The following DCC variants were observed in gnomAD, a reference collection of about 807,000 sequenced individuals.
The protein encoded by DCC is DCC netrin 1 receptor, also known as netrin receptor DCC.
Under a neutral mutation model 172.5 loss-of-function variants are expected in DCC, and 58 were observed. The ratio of observed to expected loss-of-function variants is 0.34; its 90% CI spans 0.27 to 0.42. DCC has a LOEUF of 0.42. Among genes scored for constraint, DCC ranks in the 10% least tolerant of loss-of-function variants. DCC has a pLI of 1.00. For synonymous variants in DCC, 709 were observed against 644.5 expected (o/e 1.10, Z -1.52); for missense variants, 1,740 against 1,791.0 (o/e 0.97, Z 0.51).
At chr18:52,813,626 T>C (rs1292338738) in intron 2 of DCC, among the ~76,000 whole-genome samples, 1 of 152,194 alleles carries the variant, frequency 6.6e-6, no homozygotes, top group Non-Finnish European at 1.5e-5. Flanking sequence ...TGCCCAGATA[T>C]TTGGCCAGAC....
intron 3 of DCC, among the ~76,000 whole-genome samples, chr18:52,917,132 G>C (rs372291934): frequency 1.2e-5 from 1 of 81,314 alleles, no homozygotes; most frequent in African/African-American, 5.1e-5. Context: ...AAAAAAAAAA[G>C]AAAACAAAAA....
chr18:52,777,804 T>C (rs2037461085), intron 2 of DCC, among the ~76,000 whole-genome samples: 1 of 151,890 alleles, frequency 6.6e-6, no homozygotes, highest in African/African-American at 2.4e-5. Context: ...AGTGGGATGT[T>C]TGAGGGAGCA....
chr18:52,850,361 A>G (rs544370680), intron 2 of DCC, among the ~76,000 whole-genome samples: 22 of 152,310 alleles, frequency 1.4e-4, no homozygotes, highest in Admixed American at 1.3e-3. Flanking sequence ...TTTCTCAGAA[A>G]TATATGCATT....
chr18:52,613,836 G>T (rs1289111886), intron 1 of DCC, among the ~76,000 whole-genome samples: 2 of 152,122 alleles, frequency 1.3e-5, no homozygotes, highest in African/African-American at 4.8e-5. Context: ...CACACGTTGG[G>T]TCCTATACTG....
chr18:53,166,849 A>G (rs1195083089), intron 8 of DCC, among the ~76,000 whole-genome samples: 1 of 152,168 alleles, frequency 6.6e-6, no homozygotes, highest in African/African-American at 2.4e-5. Flanking sequence ...TCTCTCTAAG[A>G]TAGCATTGAT....
chr18:52,355,648 A>G (rs1840293044), intron 1 of DCC, among the ~76,000 whole-genome samples: 1 of 152,198 alleles, frequency 6.6e-6, no homozygotes, highest in South Asian at 2.1e-4. Context: ...CCTGTGGTGT[A>G]TTTAAACAGC....
intron 2 of DCC, among the ~76,000 whole-genome samples, chr18:52,798,718 G>A (rs2037924826): frequency 6.6e-6 from 1 of 151,570 alleles, no homozygotes. Flanking sequence ...TGGAAAAGCT[G>A]TATTTAGAGC....
At chr18:52,956,554 C>T (rs2040747686) in intron 5 of DCC, among the ~76,000 whole-genome samples, 1 of 151,918 alleles carries the variant, frequency 6.6e-6, no homozygotes. Context: ...TGTTCTTACC[C>T]TTAAATATTA....
intron 5 of DCC, among the ~76,000 whole-genome samples, chr18:52,975,263 CCTTCTCACTGTGT>C (rs1322135938): frequency 6.6e-6 from 1 of 152,188 alleles, no homozygotes; most frequent in Non-Finnish European, 1.5e-5. Flanking sequence ...CAGATGGCTG[CCTTCTCACTGTGT>C]CTTCACAGGG....
intron 1 of DCC, among the ~76,000 whole-genome samples, chr18:52,597,516 T>G (rs202064240): frequency 6.6e-6 from 1 of 151,704 alleles, no homozygotes; most frequent in Non-Finnish European, 1.5e-5. Context: ...TTTAAGCAAT[T>G]TTTTTCTGTT....
rs191594566 is a variant in DCC at position 52,609,697 on chromosome 18, T to A, written c.92-142357T>A. Among the ~76,000 whole-genome samples the A allele has an allele frequency of 1.8e-3, 281 of 152,096 alleles. 4 individuals are homozygous for A. Among genetic ancestry groups the A allele is most frequent in the Admixed American group, 0.018 (273 of 15,260 alleles). On this transcript the variant is annotated intron_variant, in intron 1 of 28. Transcript: ENST00000442544. The stretch of plus-strand genomic sequence containing the variant: ...TCTATTATATGCTGTGGAATTCTGA[T>A]TACTTCTTATATCTGGACGGGGACC...
At chr18:53,437,212 G>C (rs1911995285) in intron 22 of DCC, among the ~76,000 whole-genome samples, 1 of 152,096 alleles carries the variant, frequency 6.6e-6, no homozygotes, top group Non-Finnish European at 1.5e-5. Flanking sequence ...TCCCTGGTAG[G>C]TATTTGACTT....
chr18:53,500,378 T>C (rs928567585), intron 27 of DCC, among the ~76,000 whole-genome samples: 6 of 152,182 alleles, frequency 3.9e-5, no homozygotes, highest in Non-Finnish European at 7.3e-5. Context: ...CATAAGATAG[T>C]AAATTTCAGT....
At chr18:53,124,129 T>C (rs994918581) in intron 7 of DCC, among the ~76,000 whole-genome samples, 1 of 152,086 alleles carries the variant, frequency 6.6e-6, no homozygotes, top group African/African-American at 2.4e-5. Flanking sequence ...TAATAACACT[T>C]TTCATTTTTC....
At chr18:52,675,326 A>G (rs1694190495) in intron 1 of DCC, among the ~76,000 whole-genome samples, 1 of 152,126 alleles carries the variant, frequency 6.6e-6, no homozygotes, top group African/African-American at 2.4e-5. Flanking sequence ...AAATGCTGGG[A>G]TTATAAATGT....
chr18:53,035,592 T>C (rs1008026576), intron 5 of DCC, among the ~76,000 whole-genome samples: 5 of 152,126 alleles, frequency 3.3e-5, no homozygotes, highest in Admixed American at 2.6e-4. Flanking sequence ...CTCTCAAATA[T>C]TATGAGCATA....
At chr18:52,484,795 T>C (rs1051716648) in intron 1 of DCC, among the ~76,000 whole-genome samples, 5 of 150,434 alleles carry the variant, frequency 3.3e-5, no homozygotes, top group East Asian at 2.0e-4. Flanking sequence ...CCAGAACTTA[T>C]AGTAAAATTT....
intron 2 of DCC, among the ~76,000 whole-genome samples, chr18:52,861,248 T>C (rs1461862404): frequency 2.0e-5 from 3 of 152,174 alleles, no homozygotes; most frequent in African/African-American, 7.2e-5. Flanking sequence ...AGGAACCTTG[T>C]ACGGAAACAA....
intron 5 of DCC, among the ~76,000 whole-genome samples, chr18:52,970,941 T>G (rs1432464579): frequency 6.6e-6 from 1 of 152,130 alleles, no homozygotes; most frequent in Non-Finnish European, 1.5e-5. Context: ...AAACTAATGT[T>G]GTGAAGCTTC....
Sources: allele counts gnomAD v4.1 joint callset (sites outside exome capture counted in the v4.1 genomes callset), GRCh38; gene constraint gnomAD v4.1.1; transcripts MANE v1.5; gene names NCBI Gene and HGNC (gene_info 2026-07-23, HGNC 2026-07-21).